UTP14C: variants seen among roughly 807,000 people sequenced by gnomAD.
The protein encoded by UTP14C is UTP14C small subunit processome component.
A neutral mutation model predicts 14.6 loss-of-function variants in UTP14C; 10 were observed. The ratio of observed to expected loss-of-function variants is 0.68; its 90% CI spans 0.42 to 1.16. The LOEUF (loss-of-function observed/expected upper bound fraction) is 1.16. UTP14C is among the 50% of genes most tolerant of loss of function. The pLI, the probability that UTP14C is intolerant of heterozygous loss-of-function variation, is 0.00. For missense variants in UTP14C, 818 were observed against 890.8 expected, an observed-to-expected ratio of 0.92 and a Z score of 1.04; for synonymous variants, 315 against 331.6, an observed-to-expected ratio of 0.95 and a Z score of 0.54.
chr13:52,028,274 A>G lies in UTP14C; in HGVS notation c.-486-45A>G, dbSNP rs373614614. 71 of 1,612,250 alleles carry G rather than the reference A, an allele frequency of 4.4e-5. 1 individual carries two copies. The highest frequency in any genetic ancestry group is 2.7e-4 in the Admixed American group (16 of 59,956). On this transcript the variant is annotated intron_variant, in intron 1 of 1. Transcript: ENST00000521776. ...TATTCATCCTCATTCTTATGAACAC[A>G]CTCAAAAACTTAAAAGATTACATGA... is the stretch of plus-strand genomic sequence containing the variant.
chr13:52,026,884 G>T (rs1484122287), intron 1 of UTP14C, among the ~76,000 whole-genome samples: 1 of 152,212 alleles, frequency 6.6e-6, no homozygotes, highest in East Asian at 1.9e-4. Flanking sequence ...TCCCGTGGAT[G>T]TGGTTAAGAT....
rs1319883651 is a variant in UTP14C at position 52,031,897 on chromosome 13, G to C, written c.*792G>C. ...TTACTACCTTTTAGAGTTGGAATGA[G>C]ATGGAAAGTAGATGAAACTACTTTG... On this transcript the variant is annotated 3_prime_UTR_variant, in exon 2 of 2. Coordinates refer to ENST00000521776, the MANE Select transcript of UTP14C (RefSeq NM_021645.6). 3 of 167,088 alleles carry C rather than the reference G, an allele frequency of 1.8e-5. No homozygotes were observed. Among genetic ancestry groups the C allele is most frequent in the African/African-American group, 7.2e-5 (3 of 41,448 alleles). The allele number at this position is 167,088 out of a possible 1,614,324, so 10.4% of individuals were successfully genotyped here.
At position 52,024,764 on chromosome 13, in the gene UTP14C, G is replaced by A. The variant is rs886050313; in HGVS notation, c.-660G>A. 16 of 1,614,238 alleles carry A rather than the reference G, an allele frequency of 9.9e-6. No homozygotes were observed. In the East Asian group the frequency reaches 3.3e-4, roughly 34 times the overall value. On this transcript the variant is annotated 5_prime_UTR_variant, in exon 1 of 2. Transcript: ENST00000521776. ...CTTAAACTTGTCCTCATTGGAGGTT[G>A]TCGTAACAAAGATGATGAACTTAGG...
Position 52,028,540 on chromosome 13 carries a change from C to T in UTP14C, c.-265C>T. On this transcript the variant is annotated 5_prime_UTR_variant, in exon 2 of 2. It introduces an in-frame stop codon into an upstream open reading frame of the 5' UTR. Coordinates refer to ENST00000521776, the MANE Select transcript of UTP14C (RefSeq NM_021645.6). ...TGCATCTGTAAGCAGATTCTCTGAT[C>T]AGGAATTTGAAGTGACATTCCTATC... The T allele has an allele frequency of 2.5e-6, 4 of 1,614,104 alleles. No homozygotes were observed. Among genetic ancestry groups the T allele is most frequent in the Non-Finnish European group, 2.5e-6 (3 of 1,179,972 alleles).
Position 52,030,032 on chromosome 13 carries a change from A to C in UTP14C, c.1228A>C (p.Arg410=). The change falls in exon 2 of 2, where the codon AGA becomes CGA. Residue 410 remains arginine, a synonymous_variant. Transcript: ENST00000521776. ...HEVSASEAEE[R]PVAEEEILLR... is the part of the protein sequence containing the mutation. ...GGTTTCTGCAAGTGAGGCAGAAGAA[A>C]GACCAGTGGCAGAGGAAGAAATTTT... The C allele has an allele frequency of 6.2e-7, 1 of 1,614,086 alleles. No homozygotes were observed. Among genetic ancestry groups the C allele is most frequent in the Non-Finnish European group, 8.5e-7 (1 of 1,179,878 alleles).
At position 52,028,856 on chromosome 13, in the gene UTP14C, C is replaced by T. The variant is rs777440362; in HGVS notation, c.52C>T (p.Leu18=). ...ENLALSHQEE[L]VDLPKNYPLS... is the part of the protein sequence containing the mutation. The stretch of plus-strand genomic sequence containing the variant: ...TCTGGCTTTGAGCCACCAGGAAGAA[C>T]TAGTGGATTTGCCAAAAAACTACCC... The change falls in exon 2 of 2, where the codon CTA becomes TTA. Residue 18 remains leucine, a synonymous_variant. Coordinates refer to ENST00000521776, the MANE Select transcript of UTP14C (RefSeq NM_021645.6). 7.4e-6 allele frequency: 12 copies of T among 1,614,174 alleles called. No individual in the cohort carries two copies. The highest frequency in any genetic ancestry group is 1.0e-5 in the Non-Finnish European group (12 of 1,180,040).
At position 52,030,516 on chromosome 13, in the gene UTP14C, G is replaced by C. The variant is rs77339766; in HGVS notation, c.1712G>C (p.Arg571Thr). ...NFLTTQSPSV[R>T]SLAVPTIIEE... ...CTGACCACACAGTCTCCTTCCGTGA[G>C]GTCTTTGGCAGTTCCCACAATAATA... The change falls in exon 2 of 2, where the codon AGG (arginine) becomes ACG (threonine). Residue 571 changes from arginine to threonine, a missense_variant. Physicochemically the swap from Arg to Thr is moderately conservative, Grantham distance 71. Transcript: ENST00000521776. 198 of 1,614,222 alleles carry C rather than the reference G, an allele frequency of 1.2e-4. No homozygotes were observed. In the East Asian group the frequency reaches 1.8e-3, roughly 15 times the overall value.
Position 52,029,095 on chromosome 13 carries a change from T to C in UTP14C, c.291T>C (p.Ser97=), listed in dbSNP as rs760871714. 1.7e-5 allele frequency: 28 copies of C among 1,614,112 alleles called. No individual in the cohort carries two copies. Among genetic ancestry groups the C allele is most frequent in the Admixed American group, 8.3e-5 (5 of 60,012 alleles). The change falls in exon 2 of 2, where the codon TCT becomes TCC. Residue 97 remains serine, a synonymous_variant. Transcript: ENST00000521776. ...ADLLEPVKTS[S]SLATVKKQLN... ...TGCTTGAGCCCGTTAAAACTTCATC[T>C]TCTTTGGCCACTGTAAAAAAGCAAC...
Position 52,033,414 on chromosome 13 carries a change from T to C in UTP14C, c.*2309T>C, listed in dbSNP as rs533251916. 1 of 167,222 alleles carries C rather than the reference T, an allele frequency of 6.0e-6. No homozygotes were observed. Among genetic ancestry groups the C allele is most frequent in the African/African-American group, 2.4e-5 (1 of 41,594 alleles). 10.4% of individuals were successfully genotyped at this position (167,222 alleles called of 1,614,324 possible). ...ATTTAGACATGATTTATATCTAATA[T>C]AGATACAAAGTCTGTGTCTAAATAT... is the stretch of plus-strand genomic sequence containing the variant. On this transcript the variant is annotated 3_prime_UTR_variant, in exon 2 of 2. Coordinates refer to ENST00000521776, the MANE Select transcript of UTP14C (RefSeq NM_021645.6).
In UTP14C at chr13:52,033,060, T is replaced by G. The variant is rs1262889721; in HGVS notation, c.*1955T>G. On this transcript the variant is annotated 3_prime_UTR_variant, in exon 2 of 2. Coordinates refer to ENST00000521776, the MANE Select transcript of UTP14C (RefSeq NM_021645.6). ...ATATTTTAAGCTTATTTCTTCAAAATTATTTTCATATATCACAGATATATC... is the reference window on the plus strand; with the variant it reads ...ATATTTTAAGCTTATTTCTTCAAAAGTATTTTCATATATCACAGATATATC... The G allele has an allele frequency of 6.0e-6, 1 of 167,140 alleles. No homozygotes were observed. The highest frequency in any genetic ancestry group is 1.9e-4 in the East Asian group (1 of 5,208). The allele number at this position is 167,140 out of a possible 1,614,324, so 10.4% of individuals were successfully genotyped here. A position where few individuals can be genotyped will look rare whatever the true frequency, so the allele number is the denominator to read the frequency against.
In UTP14C at chr13:52,029,085, A is replaced by C. The variant is rs773161086; in HGVS notation, c.281A>C (p.Lys94Thr). 7.4e-6 allele frequency: 12 copies of C among 1,614,138 alleles called. No homozygotes were observed. The Middle Eastern group carries it at 4.9e-4, about 66-fold the overall frequency. The change falls in exon 2 of 2, where the codon AAA (lysine) becomes ACA (threonine). Residue 94 changes from lysine to threonine, a missense_variant. Coordinates refer to ENST00000521776, the MANE Select transcript of UTP14C (RefSeq NM_021645.6). ...CTTGCAGATCTGCTTGAGCCCGTTAAAACTTCATCTTCTTTGGCCACTGTA... is the reference window on the plus strand; with the variant it reads ...CTTGCAGATCTGCTTGAGCCCGTTACAACTTCATCTTCTTTGGCCACTGTA... ...LGLADLLEPV[K>T]TSSSLATVKK...
chr13:52,025,973 C>A (rs978240525), intron 1 of UTP14C, among the ~76,000 whole-genome samples: 1 of 152,230 alleles, frequency 6.6e-6, no homozygotes, highest in African/African-American at 2.4e-5. Flanking sequence ...AGCATTCACT[C>A]TGCTGAGCGC....
rs903834860 is a variant in UTP14C, at chr13:52,028,292, T to A, written c.-486-27T>A. ...TGAACACACTCAAAAACTTAAAAGA[T>A]TACATGATTTGTGTTTTTTTTCTCA... On this transcript the variant is annotated intron_variant, in intron 1 of 1. Coordinates refer to ENST00000521776, the MANE Select transcript of UTP14C (RefSeq NM_021645.6). 8 of 1,613,930 alleles carry A rather than the reference T, an allele frequency of 5.0e-6. No individual in the cohort carries two copies. In the African/African-American group the frequency reaches 9.3e-5, roughly 19 times the overall value.
In UTP14C at chr13:52,030,073, G is replaced by A. The variant is rs951883528; in HGVS notation, c.1269G>A (p.Glu423=). 6.2e-7 allele frequency: 1 copy of A among 1,614,206 alleles called. No homozygotes were observed. Among genetic ancestry groups the A allele is most frequent in the East Asian group, 2.2e-5 (1 of 44,884 alleles). ...AEEEILLREF[E]ERQSLRKRSE... is the part of the protein sequence containing the mutation. ...AAGAAATTTTGTTGAGAGAATTTGA[G>A]GAAAGGCAATCCCTTAGAAAAAGAT... Residue 423 remains glutamate (E), a synonymous_variant, in exon 2 of 2, where the codon GAG becomes GAA. Transcript: ENST00000521776.
chr13:52,024,721 G>A lies in UTP14C; in HGVS notation c.-703G>A, dbSNP rs750430228. 6.2e-7 allele frequency: 1 copy of A among 1,614,224 alleles called. No individual in the cohort carries two copies. Among genetic ancestry groups the A allele is most frequent in the Non-Finnish European group, 8.5e-7 (1 of 1,180,038 alleles). On this transcript the variant is annotated 5_prime_UTR_variant, in exon 1 of 2. Coordinates refer to ENST00000521776, the MANE Select transcript of UTP14C (RefSeq NM_021645.6). ...TGCTAAATTGCTGAATAAGAAGATG[G>A]TTGAGTCACCTCCTTCGCTTAAACT...
Position 52,031,249 on chromosome 13 carries a change from G to A in UTP14C, c.*144G>A. On this transcript the variant is annotated 3_prime_UTR_variant, in exon 2 of 2. Transcript: ENST00000521776. The stretch of plus-strand genomic sequence containing the variant: ...CATTTTTTAAAAAAAGAAAATGGAT[G>A]ACCATTAATTGACTAGCATTTTAGA... 1 of 1,223,160 alleles carries A rather than the reference G, an allele frequency of 8.2e-7. No individual in the cohort carries two copies. The highest frequency in any genetic ancestry group is 1.1e-6 in the Non-Finnish European group (1 of 894,282). 75.8% of individuals were successfully genotyped at this position (1,223,160 alleles called of 1,614,324 possible). A position where few individuals can be genotyped will look rare whatever the true frequency, so the allele number is the denominator to read the frequency against.
chr13:52,024,944 T>C lies in UTP14C; in HGVS notation c.-487+7T>C, dbSNP rs1954225963. ...AACGAGCATTTTGGGATTGGTGAGT[T>C]TGGCCTTTAAACAACTTGTTTGGTG... On this transcript the variant is annotated splice_region_variant and intron_variant, in intron 1 of 1. Coordinates refer to ENST00000521776, the MANE Select transcript of UTP14C (RefSeq NM_021645.6). The C allele has an allele frequency of 3.7e-6, 6 of 1,606,138 alleles. No homozygotes were observed. The African/African-American group carries it at 8.0e-5, about 21-fold the overall frequency.
chr13:52,025,171 A>G (rs182193573), intron 1 of UTP14C, among the ~76,000 whole-genome samples: 1 of 152,316 alleles, frequency 6.6e-6, no homozygotes, highest in East Asian at 1.9e-4. Flanking sequence ...TACATGTATT[A>G]TCTAATTTAA....
In UTP14C at chr13:52,030,165, T is replaced by C; in HGVS notation, c.1361T>C (p.Val454Ala). 1 of 1,614,040 alleles carries C rather than the reference T, an allele frequency of 6.2e-7. No individual in the cohort carries two copies. Among genetic ancestry groups the C allele is most frequent in the Non-Finnish European group, 8.5e-7 (1 of 1,179,998 alleles). ...ACAAAAGATTCTAGCAGCCAGGAGGTGCTGTCCGAATTGAGGGCACTATCT... is the reference window on the plus strand; with the variant it reads ...ACAAAAGATTCTAGCAGCCAGGAGGCGCTGTCCGAATTGAGGGCACTATCT... ...QETKDSSSQEVLSELRALSQK... is the reference protein window; with the variant it reads ...QETKDSSSQEALSELRALSQK... Residue 454 changes from valine (V) to alanine (A), a missense_variant, in exon 2 of 2, where the codon GTG (valine) becomes GCG (alanine). Physicochemically the swap from Val to Ala is moderately conservative, Grantham distance 64. Transcript: ENST00000521776.
Sources: gnomAD v4.1 joint callset for allele counts (sites outside exome capture counted in the v4.1 genomes callset) on GRCh38, gnomAD v4.1.1 for gene constraint, MANE v1.5 for transcripts, NCBI Gene and HGNC (gene_info 2026-07-23, HGNC 2026-07-21) for gene names.